The following ATE1 variants were observed in gnomAD, a reference collection of about 807,000 sequenced individuals.
The protein encoded by ATE1 is arginyl-tRNA--protein transferase 1.
ATE1 carries 36 observed loss-of-function variants against 70.5 expected under a neutral mutation model. That is an observed-to-expected ratio of 0.51 (90% CI 0.39 to 0.67). The LOEUF is 0.67. ATE1 is among the 30% of genes least tolerant of loss of function. The pLI is 0.00. For missense variants in ATE1, 593 were observed against 629.5 expected (o/e 0.94, Z 0.62); for synonymous variants, 232 against 219.3 (o/e 1.06, Z -0.51).
chr10:121,874,311 T>C (rs1017116737), intron 7 of ATE1, among the ~76,000 whole-genome samples: 14 of 152,078 alleles, frequency 9.2e-5, no homozygotes, highest in African/African-American at 3.4e-4. Flanking sequence ...TCTAAGGCAG[T>C]GCAAACTAGG....
intron 4 of ATE1, 148 bp downstream of exon 4, chr10:121,913,642 A>C (rs1025656406): frequency 2.2e-6 from 1 of 457,950 alleles, no homozygotes; most frequent in Non-Finnish European, 4.0e-6. Context: ...CGATGGTAAC[A>C]GTAATAGCAG....
intron 8 of ATE1, among the ~76,000 whole-genome samples, chr10:121,859,444 G>A (rs993264049): frequency 3.3e-5 from 5 of 151,704 alleles, no homozygotes; most frequent in Admixed American, 6.6e-5. Flanking sequence ...TTTTAGTAGA[G>A]ACGGGGTTTC....
intron 6 of ATE1, 49 bp from the exon 7 acceptor site, chr10:121,900,043 A>T (rs201217964): frequency 6.3e-7 from 1 of 1,598,428 alleles, no homozygotes; most frequent in East Asian, 2.2e-5. Flanking sequence ...TCATTTATTC[A>T]TTCTGTGGAA....
chr10:121,746,124 CA>C (rs1218135771), intron 11 of ATE1, among the ~76,000 whole-genome samples: 1 of 152,206 alleles, frequency 6.6e-6, no homozygotes, highest in African/African-American at 2.4e-5. Flanking sequence ...TGATCACTGT[CA>C]GAGGGCTTCC....
At chr10:121,767,904 T>C (rs1024357900) in intron 11 of ATE1, among the ~76,000 whole-genome samples, 1 of 152,160 alleles carries the variant, frequency 6.6e-6, no homozygotes, top group Non-Finnish European at 1.5e-5. Flanking sequence ...AGCAAGAACA[T>C]GAACAGTTAT....
chr10:121,859,844 A>G (rs895890722), intron 8 of ATE1, among the ~76,000 whole-genome samples: 1 of 152,158 alleles, frequency 6.6e-6, no homozygotes, highest in Non-Finnish European at 1.5e-5. Context: ...CGGAAGGCTG[A>G]GGCAGGAGAA....
intron 1 of ATE1, 124 bp downstream of exon 1, chr10:121,927,720 C>T: frequency 7.4e-7 from 1 of 1,349,684 alleles, no homozygotes; most frequent in African/African-American, 1.5e-5. Flanking sequence ...CGAGAGTGCC[C>T]CCTCCGTCTC....
intron 7 of ATE1, among the ~76,000 whole-genome samples, chr10:121,880,668 A>G (rs1416468308): frequency 1.3e-5 from 2 of 151,812 alleles, no homozygotes; most frequent in Non-Finnish European, 2.9e-5. Context: ...TGGATAAATA[A>G]CCATATGTAA....
intron 11 of ATE1, among the ~76,000 whole-genome samples, chr10:121,761,472 T>C (rs1212808940): frequency 2.0e-5 from 1 of 50,038 alleles, no homozygotes; most frequent in Non-Finnish European, 6.4e-5. Flanking sequence ...ATAGTTTTTT[T>C]TTCCCAACAT....
At chr10:121,804,334 T>C (rs1450166430) in intron 10 of ATE1, among the ~76,000 whole-genome samples, 1 of 152,190 alleles carries the variant, frequency 6.6e-6, no homozygotes, top group Admixed American at 6.5e-5. Flanking sequence ...ATGGCACCTA[T>C]CTTGGACTTT....
chr10:121,748,610 A>G (rs1944458831), intron 11 of ATE1, among the ~76,000 whole-genome samples: 1 of 152,106 alleles, frequency 6.6e-6, no homozygotes, highest in African/African-American at 2.4e-5. Context: ...GCATTTTTAT[A>G]GAGTTATGGC....
chr10:121,817,262 C>T (rs1044569530), intron 10 of ATE1, among the ~76,000 whole-genome samples: 8 of 152,182 alleles, frequency 5.3e-5, no homozygotes, highest in Non-Finnish European at 1.0e-4. Context: ...GAGTTCAGGC[C>T]GGGCACAGCG....
At chr10:121,761,018 G>A (rs1338158515) in intron 11 of ATE1, among the ~76,000 whole-genome samples, 1 of 152,150 alleles carries the variant, frequency 6.6e-6, no homozygotes, top group East Asian at 1.9e-4. Context: ...CTGGAGCAGG[G>A]GAGGCGAGTT....
intron 10 of ATE1, among the ~76,000 whole-genome samples, chr10:121,790,950 G>GTT (rs1290493525): frequency 5.0e-3 from 78 of 15,650 alleles, no homozygotes; most frequent in African/African-American, 8.4e-3. Flanking sequence ...ACATATATAT[G>GTT]TGTATATATA....
chr10:121,788,187 A>G (rs907330880), intron 11 of ATE1, among the ~76,000 whole-genome samples: 11 of 152,204 alleles, frequency 7.2e-5, no homozygotes, highest in Non-Finnish European at 1.6e-4. Context: ...TTATAATACT[A>G]TTGCCTTTGG....
chr10:121,775,030 G>A (rs1945677065), intron 11 of ATE1, among the ~76,000 whole-genome samples: 1 of 152,172 alleles, frequency 6.6e-6, no homozygotes, highest in Non-Finnish European at 1.5e-5. Context: ...ACACTTGGCA[G>A]ACAGACAGTT....
At position 121,743,477 on chromosome 10, in the gene ATE1, T is replaced by A. The variant is rs749888796; in HGVS notation, c.*203A>T. ...AATCCCAATTATGGGGGCTAGGTCA[T>A]AATGCAGTTTTAAAATCTTTATATT... On this transcript the variant is annotated 3_prime_UTR_variant, in exon 12 of 12. Coordinates refer to ENST00000224652, the MANE Select transcript of ATE1 (RefSeq NM_001001976.3). 3 of 1,058,082 alleles carry A rather than the reference T, an allele frequency of 2.8e-6. No homozygotes were observed. Among genetic ancestry groups the A allele is most frequent in the Non-Finnish European group, 3.7e-6 (3 of 820,192 alleles). 65.5% of individuals were successfully genotyped at this position (1,058,082 alleles called of 1,614,324 possible). A position where few individuals can be genotyped will look rare whatever the true frequency, so the allele number is the denominator to read the frequency against.
intron 10 of ATE1, among the ~76,000 whole-genome samples, chr10:121,820,951 C>CT (rs899783194): frequency 9.5e-4 from 145 of 152,006 alleles, no homozygotes; most frequent in African/African-American, 2.8e-3. Context: ...AAACATTTCC[C>CT]TTTTTTTTGA....
At chr10:121,886,313 C>A (rs1950397009) in intron 7 of ATE1, among the ~76,000 whole-genome samples, 1 of 150,318 alleles carries the variant, frequency 6.7e-6, no homozygotes, top group Non-Finnish European at 1.5e-5. Context: ...AAAAAACCCA[C>A]CTCCTGGCCA....
Sources: gnomAD v4.1 joint callset for allele counts (sites outside exome capture counted in the v4.1 genomes callset) on GRCh38, gnomAD v4.1.1 for gene constraint, MANE v1.5 for transcripts, NCBI Gene and HGNC (gene_info 2026-07-23, HGNC 2026-07-21) for gene names.